TBL1X: variants seen among roughly 807,000 people sequenced by gnomAD.
The protein encoded by TBL1X is transducin beta like 1 X-linked, also known as F-box-like/WD repeat-containing protein TBL1X.
TBL1X carries 10 observed loss-of-function variants against 50.7 expected under a neutral mutation model. The observed-to-expected ratio is 0.20, with a 90% CI of 0.12 to 0.33. The LOEUF (loss-of-function observed/expected upper bound fraction) is 0.33. TBL1X is among the 10% of genes least tolerant of loss of function. The probability of loss-of-function intolerance (pLI) is 1.00; values close to 1 mark genes in which losing one functional copy is unlikely to be tolerated. For synonymous variants in TBL1X, 190 were observed against 214.7 expected, an observed-to-expected ratio of 0.88 and a Z score of 1.01; for missense variants, 340 against 504.4, an observed-to-expected ratio of 0.67 and a Z score of 3.12.
intron 2 of TBL1X, among the ~76,000 whole-genome samples, chrX:9,542,713 G>C (rs992708176): frequency 1.8e-5 from 2 of 112,097 alleles, no homozygotes; most frequent in Non-Finnish European, 3.8e-5. Flanking sequence ...GTTAGGTAGG[G>C]CTAGCAAGAG....
At chrX:9,645,181 A>G (rs2082797293) in intron 3 of TBL1X, 1 of 111,050 alleles carries the variant, frequency 9.0e-6, no homozygotes, top group Admixed American at 9.6e-5. Flanking sequence ...TGCAGCCTCC[A>G]CCTCCCAGGG....
chrX:9,712,443 G>T (rs6640479), intron 16 of TBL1X, among the ~76,000 whole-genome samples: 41,695 of 111,419 alleles, frequency 0.37, 5,986 homozygotes, highest in East Asian at 0.68. Context: ...ATTCAAGCAA[G>T]TCTCCTGCCT....
intron 3 of TBL1X, among the ~76,000 whole-genome samples, chrX:9,642,573 G>A (rs2146589866): frequency 9.0e-6 from 1 of 111,586 alleles, no homozygotes; most frequent in South Asian, 3.8e-4. Context: ...ATTCAGGGGC[G>A]TTCACTGTTG....
chrX:9,647,810 G>C (rs2082812884), intron 3 of TBL1X, among the ~76,000 whole-genome samples: 1 of 111,261 alleles, frequency 9.0e-6, no homozygotes, highest in African/African-American at 3.3e-5. Flanking sequence ...CCAGGACGAG[G>C]AGTCGAGCCC....
rs765889696 is a variant in TBL1X, at chrX:9,692,221, G to A, written c.858G>A (p.Pro286=). The A allele has an allele frequency of 1.5e-5, 18 of 1,196,500 alleles. No homozygotes were observed. The East Asian group carries it at 3.3e-4, about 22-fold the overall frequency. Residue 286 remains proline (P), a synonymous_variant, in exon 9 of 18, where the codon CCG becomes CCA. Transcript: ENST00000645353. The stretch of plus-strand genomic sequence containing the variant: ...TACGAGAGGGGGGCCATGACGTCCC[G>A]AGTAACAAAGACGTCACCTCACTGG... ...HCIREGGHDV[P]SNKDVTSLDW...
intron 3 of TBL1X, among the ~76,000 whole-genome samples, chrX:9,651,364 A>G (rs1043361308): frequency 3.6e-5 from 4 of 111,969 alleles, no homozygotes; most frequent in South Asian, 7.4e-4. Flanking sequence ...TTTTCAGTCC[A>G]TTCTTTTTGC....
In TBL1X at chrX:9,718,153, G is replaced by A. The variant is rs1180287829; in HGVS notation, c.*1907G>A. On this transcript the variant is annotated 3_prime_UTR_variant, in exon 18 of 18. Coordinates refer to ENST00000645353, the MANE Select transcript of TBL1X (RefSeq NM_005647.4). ...GCTGCTGGGTCACCAGCAGTGGGTA[G>A]GGTGCAATCTGGTGTGTGTTCCAGC... The A allele has an allele frequency of 9.0e-6, 1 of 111,003 alleles. No individual in the cohort carries two copies. The highest frequency in any genetic ancestry group is 9.5e-5 in the Admixed American group (1 of 10,498). The allele number at this position is 111,003 out of a possible 1,213,427, so 9.1% of individuals were successfully genotyped here.
chrX:9,477,310 C>CT, intron 1 of TBL1X, among the ~76,000 whole-genome samples: 1 of 112,221 alleles, frequency 8.9e-6, no homozygotes, highest in Middle Eastern at 4.6e-3. Flanking sequence ...TCAACCTTCT[C>CT]TAATTTCCTG....
At position 9,641,714 on chromosome X, in the gene TBL1X, T is replaced by A. The variant is rs181908022; in HGVS notation, c.-43+1354T>A. Among the ~76,000 whole-genome samples, 6 of 112,896 alleles carry A rather than the reference T, an allele frequency of 5.3e-5. No homozygotes were observed. In the Admixed American group the frequency reaches 5.6e-4, roughly 11 times the overall value. On this transcript the variant is annotated intron_variant, in intron 3 of 17. Coordinates refer to ENST00000645353, the MANE Select transcript of TBL1X (RefSeq NM_005647.4). ...CAAAATTTGTAATGTATTAGTGAAT[T>A]TGAATTTTCTGACTGGCTTTTTCAC...
At chrX:9,477,411 T>G (rs1341157662) in intron 1 of TBL1X, among the ~76,000 whole-genome samples, 1 of 112,048 alleles carries the variant, frequency 8.9e-6, no homozygotes, top group Non-Finnish European at 1.9e-5. Context: ...TTCATTGGAG[T>G]GGAAATTCTT....
intron 2 of TBL1X, among the ~76,000 whole-genome samples, chrX:9,571,216 G>A (rs1460877689): frequency 9.0e-6 from 1 of 111,511 alleles, no homozygotes; most frequent in East Asian, 2.8e-4. Flanking sequence ...GTCCTCACAC[G>A]GCCTTTCCTC....
intron 2 of TBL1X, among the ~76,000 whole-genome samples, chrX:9,628,767 CA>C (rs2082705762): frequency 8.9e-6 from 1 of 111,788 alleles, no homozygotes; most frequent in Non-Finnish European, 1.9e-5. Context: ...AGGCTGGTCT[CA>C]AACTCCTGAC....
In TBL1X at chrX:9,689,662, T is replaced by C. The variant is rs762791717; in HGVS notation, c.616+1387T>C. Among the ~76,000 whole-genome samples the C allele has an allele frequency of 7.1e-5, 8 of 111,894 alleles. No homozygotes were observed. In the South Asian group the frequency reaches 3.0e-3, roughly 42 times the overall value. On this transcript the variant is annotated intron_variant, in intron 7 of 17. Transcript: ENST00000645353. ...AGCCCAGTCTATGGAGACAGGAGCATTGGAAGGCCGCATTTTGATAAGAAT... is the reference window on the plus strand; with the variant it reads ...AGCCCAGTCTATGGAGACAGGAGCACTGGAAGGCCGCATTTTGATAAGAAT...
In TBL1X at chrX:9,504,515, G is replaced by A. The variant is rs1169087422; in HGVS notation, c.-131+2666G>A. On this transcript the variant is annotated intron_variant, in intron 2 of 17. Transcript: ENST00000645353. ...TAAAAAACTACAATGAGCTAAAGGA[G>A]CATGTTCTAACCTAATTCAAAGAAG... Among the ~76,000 whole-genome samples the A allele has an allele frequency of 3.6e-5, 4 of 112,099 alleles. No homozygotes were observed. The East Asian group carries it at 1.1e-3, about 31-fold the overall frequency.
chrX:9,544,902 G>C (rs1352733949), intron 2 of TBL1X, among the ~76,000 whole-genome samples: 1 of 111,271 alleles, frequency 9.0e-6, no homozygotes, highest in Non-Finnish European at 1.9e-5. Context: ...GACTTAATTG[G>C]GTATTTTGTT....
intron 2 of TBL1X, among the ~76,000 whole-genome samples, chrX:9,614,235 T>C (rs2082628695): frequency 9.0e-6 from 1 of 111,272 alleles, no homozygotes; most frequent in African/African-American, 3.3e-5. Flanking sequence ...TCTTCAAATG[T>C]GATGACCTCA....
At chrX:9,639,027 C>G (rs1054386872) in intron 2 of TBL1X, among the ~76,000 whole-genome samples, 6 of 111,610 alleles carry the variant, frequency 5.4e-5, no homozygotes, top group African/African-American at 1.9e-4. Flanking sequence ...TTTAGTTTCA[C>G]TCTCATTATT....
At chrX:9,474,878 T>C (rs1205478537) in intron 1 of TBL1X, among the ~76,000 whole-genome samples, 1 of 112,290 alleles carries the variant, frequency 8.9e-6, no homozygotes, top group African/African-American at 3.2e-5. Flanking sequence ...TGGTTATTTG[T>C]TTGTTTGTTT....
chrX:9,686,669 G>T (rs983408193), intron 6 of TBL1X, among the ~76,000 whole-genome samples: 33 of 112,922 alleles, frequency 2.9e-4, no homozygotes, highest in Non-Finnish European at 7.5e-5. Context: ...CTGCACTCCA[G>T]CCTGGATGAC....
Sources: gnomAD v4.1 joint callset for allele counts (sites outside exome capture counted in the v4.1 genomes callset) on GRCh38, gnomAD v4.1.1 for gene constraint, MANE v1.5 for transcripts, NCBI Gene and HGNC (gene_info 2026-07-23, HGNC 2026-07-21) for gene names.